MYCBP2: variants seen among roughly 807,000 people sequenced by gnomAD.
MYCBP2 encodes the protein MYC binding protein 2, also known as E3 ubiquitin-protein ligase MYCBP2.
MYCBP2 carries 120 observed loss-of-function variants against 525.3 expected under a neutral mutation model. That is an observed-to-expected ratio of 0.23 (90% CI 0.20 to 0.27). The LOEUF is 0.27. Ranked by LOEUF, MYCBP2 falls within the 10% of genes least tolerant of loss-of-function variation. The pLI, the probability that MYCBP2 is intolerant of heterozygous loss-of-function variation, is 1.00. For missense variants in MYCBP2, 4,149 were observed against 5,657.1 expected (o/e 0.73, Z 8.55); for synonymous variants, 1,894 against 1,955.8 (o/e 0.97, Z 0.83).
intron 55 of MYCBP2, among the ~76,000 whole-genome samples, chr13:77,101,760 T>C (rs948586279): frequency 1.3e-5 from 2 of 151,834 alleles, no homozygotes; most frequent in African/African-American, 4.8e-5. Flanking sequence ...TTTTATATAT[T>C]AAAAAAAACT....
At chr13:77,281,738 GC>G (rs1297091179) in intron 3 of MYCBP2, among the ~76,000 whole-genome samples, 4 of 152,032 alleles carry the variant, frequency 2.6e-5, no homozygotes, top group African/African-American at 9.7e-5. Flanking sequence ...GTTTTATTTT[GC>G]CCTTCTCAAA....
intron 3 of MYCBP2, among the ~76,000 whole-genome samples, chr13:77,286,001 C>T (rs1387760863): frequency 6.6e-6 from 1 of 152,102 alleles, no homozygotes; most frequent in East Asian, 1.9e-4. Context: ...CACTCTAAAA[C>T]AGGAGGCAAA....
intron 1 of MYCBP2, among the ~76,000 whole-genome samples, chr13:77,298,352 C>G (rs1411980678): frequency 6.6e-6 from 1 of 152,176 alleles, no homozygotes; most frequent in African/African-American, 2.4e-5. Context: ...CACTCTCATT[C>G]ATCGTATATT....
rs555306447 is a variant in MYCBP2 at position 77,236,301 on chromosome 13, T to C, written c.2630-3038A>G. Among the ~76,000 whole-genome samples, 14 of 152,278 alleles carry C rather than the reference T, an allele frequency of 9.2e-5. No individual in the cohort carries two copies. The East Asian group carries it at 1.5e-3, about 17-fold the overall frequency. ...GGGGTATGAGATAACCAGGTTTAGA[T>C]AGAAGCTACACTCATGTGTAGACAA... On this transcript the variant is annotated intron_variant, in intron 17 of 82. Transcript: ENST00000544440.
intron 3 of MYCBP2, among the ~76,000 whole-genome samples, chr13:77,287,044 C>T (rs1230787478): frequency 5.4e-5 from 8 of 148,340 alleles, no homozygotes; most frequent in Admixed American, 4.7e-4. Flanking sequence ...GCCACCGTGA[C>T]GGGCTAAGTT....
intron 52 of MYCBP2, 101 bp from the exon 53 acceptor site, chr13:77,126,643 C>A: frequency 2.6e-6 from 2 of 770,756 alleles, no homozygotes; most frequent in Admixed American, 3.2e-5. Context: ...ACAGTACTGT[C>A]AATATAAAAA....
chr13:77,226,786 T>C (rs2066342503), intron 18 of MYCBP2, among the ~76,000 whole-genome samples: 1 of 152,158 alleles, frequency 6.6e-6, no homozygotes, highest in African/African-American at 2.4e-5. Flanking sequence ...AGACTGAAAC[T>C]CTTTACGACA....
chr13:77,070,783 T>A, intron 68 of MYCBP2, 72 bp from the exon 69 acceptor site: 2 of 918,958 alleles, frequency 2.2e-6, no homozygotes, highest in Non-Finnish European at 3.3e-6. Context: ...ATATGTGATA[T>A]TTCAAAGTAA....
chr13:77,097,586 A>G lies in MYCBP2; in HGVS notation c.9568T>C (p.Cys3190Arg), dbSNP rs1172007858. The G allele has an allele frequency of 1.1e-5, 17 of 1,613,410 alleles. No homozygotes were observed. Among genetic ancestry groups the G allele is most frequent in the Non-Finnish European group, 1.4e-5 (16 of 1,179,802 alleles). The change falls in exon 56 of 83, where the codon TGT becomes CGT. Residue 3190 changes from cysteine to arginine, a missense_variant. Around this residue, in one of 21 missense-constraint regions of MYCBP2, gnomAD observed 653 missense variants for 744.7 expected, o/e 0.88. Coordinates refer to ENST00000544440, the MANE Select transcript of MYCBP2 (RefSeq NM_015057.5). ...QNMIFPSPGS[C>R]AVLKKKECEK... is the part of the protein sequence containing the mutation. ...CACTCTTTCTTTTTAAGAACTGCAC[A>G]GGAACCAGGACTTGGAAAAATCATA...
At chr13:77,207,186 T>C (rs2063447128) in intron 23 of MYCBP2, among the ~76,000 whole-genome samples, 1 of 152,162 alleles carries the variant, frequency 6.6e-6, no homozygotes, top group South Asian at 2.1e-4. Flanking sequence ...AGTGTACCTG[T>C]GAGACACAGC....
At chr13:77,153,304 G>C (rs2056766266) in intron 46 of MYCBP2, among the ~76,000 whole-genome samples, 1 of 152,092 alleles carries the variant, frequency 6.6e-6, no homozygotes, top group Admixed American at 6.5e-5. Context: ...TGTGGGGCTG[G>C]AGCCCAGAGG....
intron 17 of MYCBP2, among the ~76,000 whole-genome samples, chr13:77,242,644 A>G (rs1160482132): frequency 1.3e-5 from 2 of 152,234 alleles, no homozygotes; most frequent in Admixed American, 1.3e-4. Context: ...ATAAATGAGT[A>G]AGAAAATAGA....
At chr13:77,046,639 A>G (rs2035619493) in intron 82 of MYCBP2, among the ~76,000 whole-genome samples, 1 of 152,250 alleles carries the variant, frequency 6.6e-6, no homozygotes, top group Non-Finnish European at 1.5e-5. Flanking sequence ...ATCTAGAGGA[A>G]TAAAAAGTAA....
chr13:77,312,978 T>C (rs890149397), intron 1 of MYCBP2, among the ~76,000 whole-genome samples: 1 of 151,984 alleles, frequency 6.6e-6, no homozygotes, highest in Admixed American at 6.6e-5. Context: ...TTCTCAAGTG[T>C]GTATAATACA....
chr13:77,296,505 T>C lies in MYCBP2; in HGVS notation c.378+94A>G, dbSNP rs113670389. The stretch of plus-strand genomic sequence containing the variant: ...ACAAAATTACTTCAGCACATACTAA[T>C]AAAATGGTTTAATTATATTTTTTAA... On this transcript the variant is annotated intron_variant, in intron 2 of 82. Coordinates refer to ENST00000544440, the MANE Select transcript of MYCBP2 (RefSeq NM_015057.5). 1.4e-5 allele frequency: 19 copies of C among 1,360,338 alleles called. No homozygotes were observed. The African/African-American group carries it at 2.6e-4, about 19-fold the overall frequency. The allele number at this position is 1,360,338 out of a possible 1,614,324, so 84.3% of individuals were successfully genotyped here.
In MYCBP2 at chr13:77,046,904, A is replaced by C. The variant is rs562153676; in HGVS notation, c.13922-1411T>G. On this transcript the variant is annotated intron_variant, in intron 82 of 82. Transcript: ENST00000544440. ...CACACTGCAGATTGGTGCCCACCCC[A>C]CCAGTGGGTGGGGGAGAGTGCGCAG... is the stretch of plus-strand genomic sequence containing the variant. 6.6e-5 allele frequency among the ~76,000 whole-genome samples: 10 copies of C among 152,222 alleles called. No homozygotes were observed. In the South Asian group the frequency reaches 1.9e-3, roughly 28 times the overall value.
rs570633960 is a variant in MYCBP2 at position 77,152,983 on chromosome 13, T to C, written c.6916-2034A>G. 4.8e-4 allele frequency among the ~76,000 whole-genome samples: 68 copies of C among 142,066 alleles called. 2 individuals carry two copies. The South Asian group carries it at 0.015, about 31-fold the overall frequency. The allele number at this position is 142,066 out of a possible 152,430, so 93.2% of individuals were successfully genotyped here. ...GGGAGGCTGAGGCAGGAGAATGGAG[T>C]GAACCCAGGAAGCGGAGCTTGCAGT... On this transcript the variant is annotated intron_variant, in intron 46 of 82. Transcript: ENST00000544440.
At chr13:77,168,346 C>T (rs2058756600) in intron 40 of MYCBP2, 82 bp downstream of exon 40, 18 of 1,151,294 alleles carry the variant, frequency 1.6e-5, no homozygotes, top group Middle Eastern at 2.8e-4. Flanking sequence ...CTTGTAAATA[C>T]AGGCCAGGCA....
At chr13:77,061,875 A>C in intron 74 of MYCBP2, 85 bp from the exon 75 acceptor site, 1 of 1,321,296 alleles carries the variant, frequency 7.6e-7, no homozygotes, top group Non-Finnish European at 1.0e-6. Context: ...ATTTACAAAA[A>C]TAAACCGTTA....
Sources: allele counts gnomAD v4.1 joint callset (sites outside exome capture counted in the v4.1 genomes callset), GRCh38; gene constraint gnomAD v4.1.1; regional missense constraint gnomAD v4.1.1; transcripts MANE v1.5; gene names NCBI Gene and HGNC (gene_info 2026-07-23, HGNC 2026-07-21).